NR2C1: variants seen among roughly 807,000 people sequenced by gnomAD.
NR2C1 encodes nuclear receptor subfamily 2 group C member 1, also known as TR2 nuclear hormone receptor.
In NR2C1, 33 loss-of-function variants were observed where a neutral mutation model predicts 74.8. The observed-to-expected ratio is 0.44, with a 90% CI of 0.33 to 0.59. The LOEUF (loss-of-function observed/expected upper bound fraction) is 0.59, where lower values mean the gene tolerates loss of function less well. Ranked by LOEUF, NR2C1 falls within the 20% of genes least tolerant of loss-of-function variation. The probability of loss-of-function intolerance (pLI) is 0.02; values close to 1 mark genes in which losing one functional copy is unlikely to be tolerated. For missense variants in NR2C1, 568 were observed against 715.6 expected, an observed-to-expected ratio of 0.79 and a Z score of 2.35; for synonymous variants, 225 against 240.6, an observed-to-expected ratio of 0.94 and a Z score of 0.60.
intron 9 of NR2C1, among the ~76,000 whole-genome samples, chr12:95,042,140 G>A (rs923792943): frequency 6.6e-6 from 1 of 152,016 alleles, no homozygotes; most frequent in Non-Finnish European, 1.5e-5. Flanking sequence ...GGCTACCTCT[G>A]GGTGGGGTAG....
chr12:95,020,688 G>A lies in NR2C1; in HGVS notation c.*1541C>T, dbSNP rs1868692306. On this transcript the variant is annotated 3_prime_UTR_variant, in exon 14 of 14. Coordinates refer to ENST00000333003, the MANE Select transcript of NR2C1 (RefSeq NM_003297.4). The stretch of plus-strand genomic sequence containing the variant: ...AATCTTTACAAAAAATGTACTCTGA[G>A]TGCATTATCCGTGTTTGCTTTAAAA... 6.6e-6 allele frequency: 1 copy of A among 152,132 alleles called. No homozygotes were observed. The highest frequency in any genetic ancestry group is 2.4e-5 in the African/African-American group (1 of 41,402). The allele number at this position is 152,132 out of a possible 1,614,324, so 9.4% of individuals were successfully genotyped here.
intron 9 of NR2C1, among the ~76,000 whole-genome samples, chr12:95,042,459 C>T (rs569753012): frequency 6.6e-5 from 10 of 152,108 alleles, no homozygotes; most frequent in African/African-American, 1.7e-4. Context: ...GTGATCCGCC[C>T]GCCTGGGCCT....
intron 10 of NR2C1, among the ~76,000 whole-genome samples, chr12:95,039,555 C>T (rs147712484): frequency 4.6e-4 from 70 of 152,298 alleles, no homozygotes; most frequent in South Asian, 4.1e-3. Context: ...ATACATTTGG[C>T]AAACTTTAGG....
At chr12:95,052,653 G>C (rs1304354407) in intron 7 of NR2C1, among the ~76,000 whole-genome samples, 2 of 151,856 alleles carry the variant, frequency 1.3e-5, no homozygotes, top group African/African-American at 4.8e-5. Context: ...GGGTCTTGCT[G>C]TGTTGCCCAG....
At chr12:95,034,016 A>G (rs1870495184) in intron 10 of NR2C1, among the ~76,000 whole-genome samples, 1 of 152,244 alleles carries the variant, frequency 6.6e-6, no homozygotes, top group African/African-American at 2.4e-5. Context: ...GTCCAACTTA[A>G]TGAATGGTAC....
intron 1 of NR2C1, among the ~76,000 whole-genome samples, chr12:95,072,455 C>CAAAAAAAAAA (rs570185714): frequency 1.7e-5 from 1 of 60,312 alleles, no homozygotes. Context: ...CTCTCCCTCT[C>CAAAAAAAAAA]AAAAAAAAAA....
At chr12:95,051,993 T>C (rs1264435821) in intron 7 of NR2C1, 50 bp from the exon 8 acceptor site, 3 of 1,267,144 alleles carry the variant, frequency 2.4e-6, no homozygotes, top group Non-Finnish European at 3.2e-6. Flanking sequence ...CACTATTTTT[T>C]TCAATCTGAA....
At chr12:95,047,642 G>T (rs1872476281) in intron 9 of NR2C1, among the ~76,000 whole-genome samples, 1 of 152,152 alleles carries the variant, frequency 6.6e-6, no homozygotes, top group South Asian at 2.1e-4. Flanking sequence ...AAAAGTATGA[G>T]CAGTCACCCT....
chr12:95,052,914 AC>A (rs1873236216), intron 7 of NR2C1, among the ~76,000 whole-genome samples: 1 of 151,978 alleles, frequency 6.6e-6, no homozygotes, highest in South Asian at 2.1e-4. Flanking sequence ...TAGATCAGTT[AC>A]CCATTATTCT....
chr12:95,028,270 G>T (rs561406252), intron 12 of NR2C1, 117 bp downstream of exon 12: 2 of 753,732 alleles, frequency 2.7e-6, no homozygotes, highest in African/African-American at 1.8e-5. Flanking sequence ...AAGAACTACT[G>T]AACTCTTTTC....
chr12:95,070,410 G>A (rs113586288), intron 1 of NR2C1, among the ~76,000 whole-genome samples: 7 of 152,190 alleles, frequency 4.6e-5, no homozygotes, highest in African/African-American at 1.7e-4. Flanking sequence ...GGGATTACAG[G>A]TATGAGCCAC....
chr12:95,072,518 C>G (rs529537266), intron 1 of NR2C1: 1 of 148,564 alleles, frequency 6.7e-6, no homozygotes, highest in South Asian at 2.2e-4. Context: ...AGAAATGGTT[C>G]AAAAAAGCTC....
chr12:95,045,264 G>A (rs1872165439), intron 9 of NR2C1, among the ~76,000 whole-genome samples: 1 of 152,194 alleles, frequency 6.6e-6, no homozygotes, highest in South Asian at 2.1e-4. Flanking sequence ...TGGCATGTGT[G>A]AGAAACCATG....
At chr12:95,032,878 G>A (rs1870319707) in intron 10 of NR2C1, among the ~76,000 whole-genome samples, 1 of 152,036 alleles carries the variant, frequency 6.6e-6, no homozygotes, top group South Asian at 2.1e-4. Flanking sequence ...GAGGTGGGAG[G>A]ATCACCTAAG....
chr12:95,062,240 G>A (rs249147), intron 3 of NR2C1, among the ~76,000 whole-genome samples: 30,020 of 152,098 alleles, frequency 0.2, 3,030 homozygotes, highest in Non-Finnish European at 0.22. Context: ...CAAGCTCTCT[G>A]TATCCTTTAT....
At chr12:95,036,290 A>AG (rs35453742) in intron 10 of NR2C1, among the ~76,000 whole-genome samples, 3 of 150,462 alleles carry the variant, frequency 2.0e-5, no homozygotes, top group African/African-American at 7.3e-5. Context: ...AAAAAAAAAA[A>AG]GGCCGGATAT....
At chr12:95,025,020 T>C (rs1221249477) in intron 13 of NR2C1, 130 bp downstream of exon 13, 3 of 517,464 alleles carry the variant, frequency 5.8e-6, no homozygotes, top group Non-Finnish European at 1.0e-5. Context: ...TACTGCTTTT[T>C]ATAGCATTAG....
intron 1 of NR2C1, among the ~76,000 whole-genome samples, chr12:95,068,727 G>C (rs1333269722): frequency 6.6e-6 from 1 of 152,036 alleles, no homozygotes; most frequent in African/African-American, 2.4e-5. Flanking sequence ...CTGGGAGGCG[G>C]AGGTTGCGGT....
intron 13 of NR2C1, among the ~76,000 whole-genome samples, chr12:95,024,384 G>C (rs1869105628): frequency 1.3e-5 from 2 of 152,152 alleles, no homozygotes; most frequent in African/African-American, 4.8e-5. Context: ...CCAAGGTTAT[G>C]AAGCTAGCAA....
Sources: gnomAD v4.1 joint callset for allele counts (sites outside exome capture counted in the v4.1 genomes callset) on GRCh38, gnomAD v4.1.1 for gene constraint, MANE v1.5 for transcripts, NCBI Gene and HGNC (gene_info 2026-07-23, HGNC 2026-07-21) for gene names.